Variants in RNF212B observed in about 807,000 individuals in gnomAD.
The protein encoded by RNF212B is E3 ubiquitin-protein ligase RNF212B.
Under a neutral mutation model 55.5 loss-of-function variants are expected in RNF212B, and 52 were observed. The observed-to-expected ratio is 0.94, with a 90% confidence interval of 0.75 to 1.18. The LOEUF is 1.18. Ranked by LOEUF, RNF212B falls within the 50% of genes most tolerant of loss-of-function variation. The pLI is 0.00. For synonymous variants in RNF212B, 99 were observed against 121.4 expected (o/e 0.82, Z 1.21); for missense variants, 289 against 350.4 (o/e 0.82, Z 1.40).
At chr14:23,264,769 GTT>G (rs59984693) in intron 11 of RNF212B, 98 bp downstream of exon 11, 3 of 518,386 alleles carry the variant, frequency 5.8e-6, no homozygotes, top group East Asian at 9.1e-5. Context: ...CATTTCACTT[GTT>G]TTTTTTTCCT....
At chr14:23,189,978 A>G (rs878971364) in intron 1 of RNF212B, among the ~76,000 whole-genome samples, 1 of 152,040 alleles carries the variant, frequency 6.6e-6, no homozygotes, top group Admixed American at 6.5e-5. Flanking sequence ...CAAGGTCACC[A>G]ACATCTACTC....
At chr14:23,271,690 C>T (rs1050919879) in intron 14 of RNF212B, among the ~76,000 whole-genome samples, 2 of 152,024 alleles carry the variant, frequency 1.3e-5, no homozygotes, top group African/African-American at 4.8e-5. Flanking sequence ...GGGGAAGTAA[C>T]ATTCCTCCCT....
Position 23,259,964 on chromosome 14 carries a change from CT to C in RNF212B, c.405+22del. On this transcript the variant is annotated intron_variant, in intron 6 of 14. Transcript: ENST00000430154. ...CTAAAGGTGAATGAAATAGATTTTC[CT>C]TATTATTATTTTCTCTCTTACTTTT... is the stretch of plus-strand genomic sequence containing the variant. 1 of 1,291,800 alleles carries C rather than the reference CT, an allele frequency of 7.7e-7. No individual in the cohort carries two copies. Among genetic ancestry groups the C allele is most frequent in the Non-Finnish European group, 1.1e-6 (1 of 941,034 alleles). The allele number at this position is 1,291,800 out of a possible 1,614,324, so 80.0% of individuals were successfully genotyped here. A position where few individuals can be genotyped will look rare whatever the true frequency, so the allele number is the denominator to read the frequency against.
chr14:23,249,138 G>A (rs1376495255), intron 4 of RNF212B, among the ~76,000 whole-genome samples: 1 of 152,192 alleles, frequency 6.6e-6, no homozygotes, highest in Admixed American at 6.5e-5. Context: ...GAAGTCATAT[G>A]TTTTTACTAA....
chr14:23,244,698 A>G (rs1169482800), intron 4 of RNF212B, among the ~76,000 whole-genome samples: 1 of 152,332 alleles, frequency 6.6e-6, no homozygotes, highest in East Asian at 1.9e-4. Flanking sequence ...TTCTCAGCAG[A>G]TAGATGCACC....
At chr14:23,259,773 C>A in intron 5 of RNF212B, 111 bp from the exon 6 acceptor site, 1 of 492,982 alleles carries the variant, frequency 2.0e-6, no homozygotes, top group Non-Finnish European at 3.6e-6. Flanking sequence ...GCTTGTATAG[C>A]TGCAAGCATT....
intron 14 of RNF212B, chr14:23,272,338 T>A (rs1248202982): frequency 5.9e-6 from 1 of 170,418 alleles, no homozygotes; most frequent in African/African-American, 2.4e-5. Flanking sequence ...GAGAATGGCG[T>A]GAACCCGGGA....
intron 14 of RNF212B, among the ~76,000 whole-genome samples, chr14:23,271,267 C>T (rs537268259): frequency 2.6e-5 from 4 of 151,956 alleles, no homozygotes; most frequent in African/African-American, 9.6e-5. Context: ...GGTAAAACCC[C>T]GTCTCTCTCT....
intron 2 of RNF212B, among the ~76,000 whole-genome samples, chr14:23,222,779 G>A (rs1340067635): frequency 1.3e-5 from 2 of 152,132 alleles, no homozygotes; most frequent in Non-Finnish European, 2.9e-5. Context: ...TCAGCTGGGT[G>A]AGGTGGCTCA....
chr14:23,229,949 G>A (rs763833163), intron 2 of RNF212B: 8 of 197,402 alleles, frequency 4.1e-5, no homozygotes, highest in South Asian at 4.0e-4. Flanking sequence ...GTGCCATCTC[G>A]TGCACAATTC....
rs1408386775 is a variant in RNF212B at position 23,191,473 on chromosome 14, T to C, written c.-78-1852T>C. On this transcript the variant is annotated intron_variant, in intron 1 of 15. Coordinates refer to the RNF212B transcript ENST00000399910. ...TTGTTTGTTCCTTGTTTGTCTTTCC[T>C]ATTAAAATGTAAGCTCTGAACTATT... Among the ~76,000 whole-genome samples the C allele has an allele frequency of 2.0e-5, 3 of 152,294 alleles. No homozygotes were observed. The East Asian group carries it at 5.8e-4, about 29-fold the overall frequency.
chr14:23,219,161 C>T (rs1039992870), intron 2 of RNF212B, among the ~76,000 whole-genome samples: 10 of 152,120 alleles, frequency 6.6e-5, no homozygotes, highest in Non-Finnish European at 1.5e-5. Context: ...ATTTCATTAA[C>T]ACCAGAACTG....
chr14:23,202,351 C>T (rs943903465), intron 2 of RNF212B, among the ~76,000 whole-genome samples: 22 of 151,650 alleles, frequency 1.5e-4, no homozygotes, highest in African/African-American at 5.3e-4. Flanking sequence ...GTGTTTTTGA[C>T]ACTAATGATT....
chr14:23,252,174 T>A (rs959624553), intron 4 of RNF212B, among the ~76,000 whole-genome samples: 7 of 152,062 alleles, frequency 4.6e-5, no homozygotes, highest in African/African-American at 1.7e-4. Context: ...ATTTTGATGC[T>A]ACCTAGGACC....
At chr14:23,213,291 C>T (rs1315176207) in intron 2 of RNF212B, among the ~76,000 whole-genome samples, 8 of 148,322 alleles carry the variant, frequency 5.4e-5, no homozygotes, top group Non-Finnish European at 8.9e-5. Context: ...CCAGCCTGGG[C>T]GACAGAGTAA....
rs1883734391 is a variant in RNF212B at position 23,243,309 on chromosome 14, G to A, written c.153+1G>A. On this transcript the variant is annotated splice_donor_variant, in intron 3 of 14. Transcript: ENST00000430154. LOFTEE classifies it high-confidence loss of function. ...CAAGCATCTGGCTCTTTCTGATAAT[G>A]TAAGTTTTTCTCCCCCTGCCACAAA... is the stretch of plus-strand genomic sequence containing the variant. 9.0e-6 allele frequency: 14 copies of A among 1,550,020 alleles called. No homozygotes were observed. Among genetic ancestry groups the A allele is most frequent in the Non-Finnish European group, 1.1e-5 (13 of 1,146,664 alleles).
At position 23,243,226 on chromosome 14, in the gene RNF212B, G is replaced by A. The variant is rs1477696517; in HGVS notation, c.101-30G>A. On this transcript the variant is annotated intron_variant, in intron 2 of 14. Transcript: ENST00000430154. ...TAAATCTTACCTCATGCTCATGAGA[G>A]CCAAATATTTTTTTCCCTTTTCCTC... 7 of 1,538,574 alleles carry A rather than the reference G, an allele frequency of 4.5e-6. No homozygotes were observed. The South Asian group carries it at 6.0e-5, about 13-fold the overall frequency.
At chr14:23,260,213 A>G (rs1179874835) in intron 6 of RNF212B, among the ~76,000 whole-genome samples, 1 of 152,230 alleles carries the variant, frequency 6.6e-6, no homozygotes, top group Non-Finnish European at 1.5e-5. Context: ...TATAGAAGAG[A>G]CAGCTGTTGC....
chr14:23,268,728 A>G (rs1885865798), intron 11 of RNF212B, among the ~76,000 whole-genome samples, 196 bp from the exon 12 acceptor site: 1 of 152,216 alleles, frequency 6.6e-6, no homozygotes, highest in Non-Finnish European at 1.5e-5. Flanking sequence ...CCACAGACTC[A>G]TGAAAGGGAG....
Sources: gnomAD v4.1 joint callset for allele counts (sites outside exome capture counted in the v4.1 genomes callset) on GRCh38, gnomAD v4.1.1 for gene constraint, MANE v1.5 for transcripts, NCBI Gene and HGNC (gene_info 2026-07-23, HGNC 2026-07-21) for gene names.